Variants in ARHGAP21 observed in about 807,000 individuals in gnomAD.
ARHGAP21 encodes the protein Rho GTPase activating protein 21.
In ARHGAP21, 38 loss-of-function variants were observed where a neutral mutation model predicts 164.6. The observed-to-expected ratio is 0.23, with a 90% CI of 0.18 to 0.30. The LOEUF (loss-of-function observed/expected upper bound fraction) is 0.30, where lower values mean the gene tolerates loss of function less well. ARHGAP21 is among the 10% of genes least tolerant of loss of function. The pLI is 1.00. For missense variants in ARHGAP21, 1,822 were observed against 2,370.7 expected (o/e 0.77, Z 4.81); for synonymous variants, 766 against 857.9 (o/e 0.89, Z 1.87).
intron 9 of ARHGAP21, among the ~76,000 whole-genome samples, chr10:24,618,792 T>C (rs2131157456): frequency 6.6e-6 from 1 of 152,086 alleles, no homozygotes; most frequent in Admixed American, 6.6e-5. Context: ...TGCATGCTAT[T>C]TTGGGTGAGA....
chr10:24,664,652 AT>A (rs1180058914), intron 4 of ARHGAP21, among the ~76,000 whole-genome samples: 2 of 151,820 alleles, frequency 1.3e-5, no homozygotes, highest in African/African-American at 4.8e-5. Flanking sequence ...AATTTAATTA[AT>A]TTTTTACCAT....
intron 4 of ARHGAP21, among the ~76,000 whole-genome samples, chr10:24,640,618 C>T (rs1836903602): frequency 6.6e-6 from 1 of 151,930 alleles, no homozygotes; most frequent in South Asian, 2.1e-4. Flanking sequence ...AATATGAAGG[C>T]ACCAAGCATC....
chr10:24,637,084 GA>G (rs1836462020), intron 4 of ARHGAP21, among the ~76,000 whole-genome samples: 2 of 152,130 alleles, frequency 1.3e-5, no homozygotes, highest in Non-Finnish European at 2.9e-5. Flanking sequence ...TTTGAGTGAA[GA>G]GGAAAAAGAG....
intron 2 of ARHGAP21, among the ~76,000 whole-genome samples, chr10:24,686,399 G>C (rs1413538798): frequency 6.6e-6 from 1 of 151,964 alleles, no homozygotes; most frequent in Admixed American, 6.6e-5. Context: ...ACACACTCCA[G>C]CCTGGGCAAC....
In ARHGAP21 at chr10:24,591,699, G is replaced by C; in HGVS notation, c.4003-16C>G. ...ACCAGTCATGCTAAAATTTAAAAAA[G>C]GTGAGAAGAGAAATTAAACAAGCCT... On this transcript the variant is annotated splice_polypyrimidine_tract_variant and intron_variant, in intron 22 of 25. Coordinates refer to ENST00000396432, the MANE Select transcript of ARHGAP21 (RefSeq NM_020824.4). The C allele has an allele frequency of 6.2e-7, 1 of 1,613,668 alleles. No individual in the cohort carries two copies. Among genetic ancestry groups the C allele is most frequent in the Non-Finnish European group, 8.5e-7 (1 of 1,179,654 alleles).
At chr10:24,698,011 C>T (rs1843332977) in intron 2 of ARHGAP21, among the ~76,000 whole-genome samples, 1 of 152,048 alleles carries the variant, frequency 6.6e-6, no homozygotes, top group South Asian at 2.1e-4. Flanking sequence ...TTCAGTAGCT[C>T]CCACATTTGC....
chr10:24,669,007 CTT>C (rs1012223982), intron 3 of ARHGAP21, among the ~76,000 whole-genome samples: 1 of 152,092 alleles, frequency 6.6e-6, no homozygotes. Context: ...CTATTTGAGA[CTT>C]TTTAATATCA....
At chr10:24,687,609 A>C (rs999048051) in intron 2 of ARHGAP21, among the ~76,000 whole-genome samples, 1 of 152,216 alleles carries the variant, frequency 6.6e-6, no homozygotes, top group Non-Finnish European at 1.5e-5. Flanking sequence ...AGATATTTTC[A>C]AAAGCTACTT....
At chr10:24,586,314 G>A (rs1009213613) in intron 25 of ARHGAP21, among the ~76,000 whole-genome samples, 7 of 151,846 alleles carry the variant, frequency 4.6e-5, no homozygotes, top group East Asian at 1.9e-4. Context: ...TTCTTGCCTC[G>A]TGGTATTTAA....
chr10:24,703,001 G>T (rs1055080279), intron 2 of ARHGAP21, among the ~76,000 whole-genome samples: 1 of 152,068 alleles, frequency 6.6e-6, no homozygotes, highest in South Asian at 2.1e-4. Context: ...ATAATACATA[G>T]TTTATATTAT....
chr10:24,719,856 T>C (rs1845762967), intron 2 of ARHGAP21, among the ~76,000 whole-genome samples: 1 of 152,208 alleles, frequency 6.6e-6, no homozygotes, highest in African/African-American at 2.4e-5. Flanking sequence ...CAGGCAATAA[T>C]TACACAAGTT....
chr10:24,709,039 A>G (rs1844519014), intron 2 of ARHGAP21, among the ~76,000 whole-genome samples: 1 of 152,222 alleles, frequency 6.6e-6, no homozygotes, highest in African/African-American at 2.4e-5. Flanking sequence ...AAAAGAGAGA[A>G]GACCCAAATA....
chr10:24,651,861 A>G lies in ARHGAP21; in HGVS notation c.268+15124T>C, dbSNP rs998566936. Among the ~76,000 whole-genome samples the G allele has an allele frequency of 2.6e-5, 4 of 152,214 alleles. No homozygotes were observed. The East Asian group carries it at 7.7e-4, about 29-fold the overall frequency. ...CAATATAAAACAAATCAAAATTCCA[A>G]CAGAATTTTTTTCATGTGGGTATAG... is the stretch of plus-strand genomic sequence containing the variant. On this transcript the variant is annotated intron_variant, in intron 4 of 25. Coordinates refer to ENST00000396432, the MANE Select transcript of ARHGAP21 (RefSeq NM_020824.4).
chr10:24,607,283 T>C (rs1243293757), intron 11 of ARHGAP21, among the ~76,000 whole-genome samples: 1 of 152,220 alleles, frequency 6.6e-6, no homozygotes, highest in Non-Finnish European at 1.5e-5. Flanking sequence ...CTGCAGTTTC[T>C]AGGATGAGAG....
At chr10:24,590,404 C>T in intron 24 of ARHGAP21, 1 of 1,535,416 alleles carries the variant, frequency 6.5e-7, no homozygotes, top group Middle Eastern at 1.7e-4. Context: ...CTTCTTCCTA[C>T]AGTTCCAGCT....
In ARHGAP21 at chr10:24,591,335, G is replaced by C. The variant is rs766587640; in HGVS notation, c.4045-5C>G. 6.3e-7 allele frequency: 1 copy of C among 1,599,338 alleles called. No individual in the cohort carries two copies. The highest frequency in any genetic ancestry group is 1.7e-5 in the Admixed American group (1 of 58,244). On this transcript the variant is annotated splice_polypyrimidine_tract_variant and splice_region_variant and intron_variant, in intron 23 of 25. Coordinates refer to ENST00000396432, the MANE Select transcript of ARHGAP21 (RefSeq NM_020824.4). ...GCTTTCCTCCTGCACTGTTGTCTAT[G>C]GTTAATAAACAAAGATCTCTTCATC...
chr10:24,656,987 T>G (rs1190184238), intron 4 of ARHGAP21, among the ~76,000 whole-genome samples: 2 of 77,322 alleles, frequency 2.6e-5, no homozygotes, highest in Admixed American at 1.3e-4. Flanking sequence ...GTCCGGGAGG[T>G]GAGGGGCGCC....
rs2076525120 is a variant in ARHGAP21 at position 24,595,192 on chromosome 10, TGAC to T, written c.3713-5_3713-3del. Reference sequence around the variant, plus strand: ...CTTCAATAAAATCAGCATATTTATCTGACGACAAGAACAATAAAACAAATTTAT... The same window carrying T: ...CTTCAATAAAATCAGCATATTTATCTGACAAGAACAATAAAACAAATTTAT... On this transcript the variant is annotated splice_polypyrimidine_tract_variant and splice_region_variant and intron_variant, in intron 19 of 25. Transcript: ENST00000396432. 1.2e-6 allele frequency: 2 copies of T among 1,608,856 alleles called. No individual in the cohort carries two copies. The highest frequency in any genetic ancestry group is 1.7e-4 in the Middle Eastern group (1 of 6,016).
At position 24,595,220 on chromosome 10, in the gene ARHGAP21, T is replaced by C. The variant is rs1030986588; in HGVS notation, c.3713-30A>G. The C allele has an allele frequency of 1.0e-5, 16 of 1,560,022 alleles. 1 individual carries two copies. In the African/African-American group the frequency reaches 2.2e-4, roughly 21 times the overall value. ...CGACAAGAACAATAAAACAAATTTA[T>C]CTTAAATTGCCTAGGTGAATTGTAA... On this transcript the variant is annotated intron_variant, in intron 19 of 25. Transcript: ENST00000396432.
Sources: gnomAD v4.1 joint callset for allele counts (sites outside exome capture counted in the v4.1 genomes callset) on GRCh38, gnomAD v4.1.1 for gene constraint, MANE v1.5 for transcripts, NCBI Gene and HGNC (gene_info 2026-07-23, HGNC 2026-07-21) for gene names.